The following ADAM22 variants were observed in gnomAD, a reference collection of about 807,000 sequenced individuals.
The protein encoded by ADAM22 is disintegrin and metalloproteinase domain-containing protein 22.
ADAM22 carries 65 observed loss-of-function variants against 144.6 expected under a neutral mutation model. The observed-to-expected ratio is 0.45, with a 90% CI of 0.37 to 0.55. The LOEUF is 0.55. Among genes scored for constraint, ADAM22 ranks in the 20% least tolerant of loss-of-function variants. The probability of loss-of-function intolerance (pLI) is 0.00; values close to 1 mark genes in which losing one functional copy is unlikely to be tolerated. For missense variants in ADAM22, 974 were observed against 1,184.9 expected (o/e 0.82, Z 2.61); for synonymous variants, 391 against 412.6 (o/e 0.95, Z 0.63).
chr7:88,125,133 T>C (rs1232405601), intron 7 of ADAM22, among the ~76,000 whole-genome samples: 4 of 152,062 alleles, frequency 2.6e-5, no homozygotes, highest in Admixed American at 6.6e-5. Context: ...CAAAGAAGAA[T>C]ATAAATTAAT....
In ADAM22 at chr7:88,186,605, C is replaced by A. The variant is rs1848375339; in HGVS notation, c.2664-10C>A. The stretch of plus-strand genomic sequence containing the variant: ...TCTGCTTTCTTTGTTCCTTCCATTG[C>A]TTTCTGCAGGTATTTAAACCCATGG... On this transcript the variant is annotated splice_polypyrimidine_tract_variant and intron_variant, in intron 29 of 31. Transcript: ENST00000413139. 4 of 1,577,196 alleles carry A rather than the reference C, an allele frequency of 2.5e-6. No individual in the cohort carries two copies. The highest frequency in any genetic ancestry group is 3.5e-6 in the Non-Finnish European group (4 of 1,146,726).
intron 22 of ADAM22, among the ~76,000 whole-genome samples, chr7:88,162,532 C>T (rs1373549762): frequency 2.6e-5 from 4 of 151,778 alleles, no homozygotes; most frequent in African/African-American, 9.7e-5. Flanking sequence ...TGACATGGCC[C>T]CATATGAATA....
chr7:88,067,380 A>G (rs552711279), intron 3 of ADAM22, among the ~76,000 whole-genome samples: 1 of 151,926 alleles, frequency 6.6e-6, no homozygotes, highest in South Asian at 2.1e-4. Flanking sequence ...ATATCTCCTA[A>G]TGCTAACCCT....
intron 3 of ADAM22, among the ~76,000 whole-genome samples, chr7:88,016,788 G>C (rs1265705897): frequency 2.0e-5 from 3 of 152,154 alleles, no homozygotes; most frequent in African/African-American, 7.2e-5. Flanking sequence ...AAGGTAGTGG[G>C]AAGGGAAGGA....
intron 3 of ADAM22, among the ~76,000 whole-genome samples, chr7:88,064,259 A>C (rs780096889): frequency 8.5e-5 from 13 of 152,204 alleles, no homozygotes; most frequent in Non-Finnish European, 1.5e-5. Flanking sequence ...AAAGAGAAGA[A>C]AATTATGGGA....
intron 3 of ADAM22, among the ~76,000 whole-genome samples, chr7:87,998,380 A>G (rs1368620105): frequency 6.6e-6 from 1 of 152,006 alleles, no homozygotes; most frequent in African/African-American, 2.4e-5. Flanking sequence ...AATGCAGGAG[A>G]ATATCCCGAT....
chr7:87,952,775 A>G (rs1393983914), intron 2 of ADAM22, among the ~76,000 whole-genome samples: 1 of 152,078 alleles, frequency 6.6e-6, no homozygotes, highest in Non-Finnish European at 1.5e-5. Context: ...CTGGTCCTGG[A>G]TTCTTTTTTA....
chr7:88,111,589 C>T (rs1826056587), intron 5 of ADAM22, among the ~76,000 whole-genome samples: 1 of 152,020 alleles, frequency 6.6e-6, no homozygotes, highest in Non-Finnish European at 1.5e-5. Flanking sequence ...GTTTATTGCC[C>T]TCTTGTGGAA....
intron 4 of ADAM22, among the ~76,000 whole-genome samples, chr7:88,079,899 G>A (rs1249217404): frequency 6.6e-6 from 1 of 152,124 alleles, no homozygotes; most frequent in Admixed American, 6.6e-5. Flanking sequence ...ATAATAATGG[G>A]AGACTTTAAC....
At chr7:88,150,860 A>G in intron 18 of ADAM22, 121 bp from the exon 19 acceptor site, 1 of 734,074 alleles carries the variant, frequency 1.4e-6, no homozygotes, top group Non-Finnish European at 2.2e-6. Flanking sequence ...TTTGTTTTAT[A>G]GATGGTATAA....
chr7:88,050,599 C>G (rs1466671333), intron 3 of ADAM22, among the ~76,000 whole-genome samples: 1 of 151,996 alleles, frequency 6.6e-6, no homozygotes, highest in African/African-American at 2.4e-5. Flanking sequence ...TTTGCATTCT[C>G]TGATGGCCAG....
Position 88,014,126 on chromosome 7 carries a change from C to T in ADAM22, c.323+35714C>T, listed in dbSNP as rs115735205. On this transcript the variant is annotated intron_variant, in intron 3 of 31. Transcript: ENST00000413139. ...GACTAAAAGTTTCCTAAAATCATCC[C>T]GTATCTATCTAGTGGCATATGTACC... Among the ~76,000 whole-genome samples, 919 of 152,020 alleles carry T rather than the reference C, an allele frequency of 6.0e-3. 13 individuals carry two copies. The highest frequency in any genetic ancestry group is 0.021 in the African/African-American group (871 of 41,452).
intron 4 of ADAM22, among the ~76,000 whole-genome samples, chr7:88,077,234 T>C (rs1814829336): frequency 6.6e-6 from 1 of 152,222 alleles, no homozygotes; most frequent in African/African-American, 2.4e-5. Flanking sequence ...AATTATATTG[T>C]CCTATTCAAA....
intron 3 of ADAM22, among the ~76,000 whole-genome samples, chr7:88,052,325 G>A (rs1283788521): frequency 4.2e-5 from 6 of 144,250 alleles, no homozygotes; most frequent in Admixed American, 7.1e-5. Context: ...GTGAAACCCC[G>A]TCTCTACTAA....
chr7:88,061,781 C>A (rs1022219158), intron 3 of ADAM22, among the ~76,000 whole-genome samples: 1 of 151,624 alleles, frequency 6.6e-6, no homozygotes, highest in African/African-American at 2.4e-5. Context: ...CTTAAAGTCA[C>A]CAGCTGCATT....
intron 2 of ADAM22, among the ~76,000 whole-genome samples, chr7:87,940,135 T>A (rs1842171193): frequency 7.2e-6 from 1 of 138,802 alleles, no homozygotes; most frequent in Non-Finnish European, 1.5e-5. Flanking sequence ...TGAGCAGAGA[T>A]GGTGCCACTG....
chr7:88,115,074 C>T (rs1827401666), intron 6 of ADAM22, among the ~76,000 whole-genome samples: 1 of 151,484 alleles, frequency 6.6e-6, no homozygotes. Flanking sequence ...GGTGAAACCC[C>T]GTCTCTACTA....
At chr7:87,955,030 A>C (rs1414072301) in intron 2 of ADAM22, among the ~76,000 whole-genome samples, 1 of 152,062 alleles carries the variant, frequency 6.6e-6, no homozygotes, top group Admixed American at 6.5e-5. Flanking sequence ...CTAGTTATAC[A>C]TTTGTCTAAA....
At position 88,033,950 on chromosome 7, in the gene ADAM22, C is replaced by G. The variant is rs144592272; in HGVS notation, c.324-41676C>G. ...GCTCACTGTTAAGGGCAGTGAGCTCCCCTCTGGCCCAGAGCAGATCCAGAA... is the reference window on the plus strand; with the variant it reads ...GCTCACTGTTAAGGGCAGTGAGCTCGCCTCTGGCCCAGAGCAGATCCAGAA... On this transcript the variant is annotated intron_variant, in intron 3 of 31. Coordinates refer to ENST00000413139, the MANE Select transcript of ADAM22 (RefSeq NM_001324418.2). Among the ~76,000 whole-genome samples, 109 of 152,178 alleles carry G rather than the reference C, an allele frequency of 7.2e-4. 2 individuals are homozygous for G. The East Asian group carries it at 0.019, about 26-fold the overall frequency.
Sources: gnomAD v4.1 joint callset for allele counts (sites outside exome capture counted in the v4.1 genomes callset) on GRCh38, gnomAD v4.1.1 for gene constraint, MANE v1.5 for transcripts, NCBI Gene and HGNC (gene_info 2026-07-23, HGNC 2026-07-21) for gene names.